SGCD: variants seen among roughly 807,000 people sequenced by gnomAD.
SGCD encodes sarcoglycan delta, also known as delta-sarcoglycan.
In SGCD, 18 loss-of-function variants were observed where a neutral mutation model predicts 36.6. That is an observed-to-expected ratio of 0.49 (90% CI 0.34 to 0.73). SGCD has a LOEUF of 0.73. Ranked by LOEUF, SGCD falls within the 30% of genes least tolerant of loss-of-function variation. The pLI, the probability that SGCD is intolerant of heterozygous loss-of-function variation, is 0.01. For missense variants in SGCD, 387 were observed against 346.7 expected, an observed-to-expected ratio of 1.12 and a Z score of -0.92; for synonymous variants, 133 against 130.6, an observed-to-expected ratio of 1.02 and a Z score of -0.12.
At chr5:155,970,139 G>A (rs904133616) in intron 1 of SGCD, among the ~76,000 whole-genome samples, 5 of 152,050 alleles carry the variant, frequency 3.3e-5, no homozygotes, top group Admixed American at 2.6e-4. Flanking sequence ...GGGATTGGGT[G>A]TGAGAGATCC....
intron 3 of SGCD, among the ~76,000 whole-genome samples, chr5:156,238,472 T>C (rs931315469): frequency 2.0e-5 from 3 of 152,084 alleles, no homozygotes; most frequent in Admixed American, 6.5e-5. Context: ...TTCATCACCA[T>C]TGGAAGTGCA....
Position 156,018,448 on chromosome 5 carries a change from A to G in SGCD, c.-281-99430A>G, listed in dbSNP as rs78631255. On this transcript the variant is annotated intron_variant, in intron 1 of 9. Coordinates refer to the SGCD transcript ENST00000517913. ...ATGATTAACAAACATACACAAATAT[A>G]TGGGGTTAACAGAGATATTGGATAT... is the stretch of plus-strand genomic sequence containing the variant. Among the ~76,000 whole-genome samples the G allele has an allele frequency of 1.6e-3, 245 of 152,344 alleles. 1 individual carries two copies. The highest frequency in any genetic ancestry group is 5.6e-3 in the African/African-American group (232 of 41,590).
chr5:155,731,565 A>G, the SGCD span, among the ~76,000 whole-genome samples: 3 of 152,220 alleles, frequency 2.0e-5, no homozygotes, highest in South Asian at 4.1e-4. Flanking sequence ...TGGAGATGAC[A>G]CAAGTGTAGG....
intron 4 of SGCD, among the ~76,000 whole-genome samples, chr5:156,537,465 A>ACACACACACACACG (rs1758165117): frequency 1.0e-5 from 1 of 98,236 alleles, no homozygotes; most frequent in African/African-American, 3.6e-5. Flanking sequence ...GCAGCCACAC[A>ACACACACACACACG]CACACACACA....
At chr5:155,891,367 T>G (rs1298044320) in intron 1 of SGCD, among the ~76,000 whole-genome samples, 2 of 152,108 alleles carry the variant, frequency 1.3e-5, no homozygotes, top group Non-Finnish European at 2.9e-5. Flanking sequence ...GCAGTAAATG[T>G]CTATCTCCTT....
intron 4 of SGCD, among the ~76,000 whole-genome samples, chr5:156,510,471 T>C (rs973197130): frequency 1.3e-4 from 20 of 152,236 alleles, no homozygotes; most frequent in African/African-American, 4.8e-4. Flanking sequence ...TATTTCTAGT[T>C]GAACTTTAGA....
At chr5:156,074,202 T>A (rs13157744) in intron 1 of SGCD, among the ~76,000 whole-genome samples, 1 of 152,206 alleles carries the variant, frequency 6.6e-6, no homozygotes, top group Non-Finnish European at 1.5e-5. Context: ...TGATCTCAAA[T>A]GTAGCTCAAG....
At chr5:156,481,250 A>T (rs887780373) in intron 3 of SGCD, among the ~76,000 whole-genome samples, 1 of 152,196 alleles carries the variant, frequency 6.6e-6, no homozygotes. Flanking sequence ...TGACAAGTAG[A>T]TAAAAAGGCC....
At chr5:156,439,744 C>T (rs1334774368) in intron 3 of SGCD, among the ~76,000 whole-genome samples, 1 of 152,108 alleles carries the variant, frequency 6.6e-6, no homozygotes, top group African/African-American at 2.4e-5. Context: ...AAAAGCAATG[C>T]ATAGGAACAT....
At chr5:156,589,467 C>T (rs1049144473) in intron 5 of SGCD, 149 bp downstream of exon 5, 2 of 576,070 alleles carry the variant, frequency 3.5e-6, no homozygotes, top group Non-Finnish European at 6.3e-6. Context: ...TTCCATGATT[C>T]TACTAGAGGG....
At chr5:155,888,691 A>G (rs930132868) in intron 1 of SGCD, among the ~76,000 whole-genome samples, 2 of 152,228 alleles carry the variant, frequency 1.3e-5, no homozygotes, top group Admixed American at 6.5e-5. Context: ...TCTTCAGATG[A>G]AAGAAAGAGA....
chr5:155,981,514 T>A (rs1431786730), intron 1 of SGCD, among the ~76,000 whole-genome samples: 1 of 152,208 alleles, frequency 6.6e-6, no homozygotes, highest in Admixed American at 6.5e-5. Flanking sequence ...CACACAAATT[T>A]TTCTTAAACT....
At chr5:156,104,004 C>T (rs1259209573) in intron 1 of SGCD, among the ~76,000 whole-genome samples, 2 of 151,946 alleles carry the variant, frequency 1.3e-5, no homozygotes, top group African/African-American at 4.8e-5. Context: ...TGTATAAAAA[C>T]TTGCTTAAAA....
chr5:156,682,232 T>C (rs189117071), intron 7 of SGCD, among the ~76,000 whole-genome samples: 50 of 152,362 alleles, frequency 3.3e-4, no homozygotes, highest in Non-Finnish European at 4.4e-5. Context: ...TGGCCAATTA[T>C]AGCTGTTTCC....
intron 1 of SGCD, among the ~76,000 whole-genome samples, chr5:156,073,734 C>T (rs888893401): frequency 1.3e-5 from 2 of 152,200 alleles, no homozygotes; most frequent in Non-Finnish European, 2.9e-5. Flanking sequence ...TCATCTAAAT[C>T]AGCAGAAAGA....
intron 3 of SGCD, among the ~76,000 whole-genome samples, chr5:156,194,169 A>G (rs2127633901): frequency 6.6e-6 from 1 of 152,296 alleles, no homozygotes; most frequent in South Asian, 2.1e-4. Flanking sequence ...TGAGCCCATA[A>G]GTTCAGGGCC....
chr5:156,509,261 C>A (rs1430522906), intron 4 of SGCD, among the ~76,000 whole-genome samples: 1 of 152,018 alleles, frequency 6.6e-6, no homozygotes, highest in South Asian at 2.1e-4. Flanking sequence ...CCTGTCTCTA[C>A]TAAAAATGCA....
chr5:155,752,946 AT>A, the SGCD span, among the ~76,000 whole-genome samples: 1 of 152,136 alleles, frequency 6.6e-6, no homozygotes, highest in Non-Finnish European at 1.5e-5. Context: ...TGGTACTATG[AT>A]TTGCATGCAG....
At chr5:155,943,839 C>T (rs919000896) in intron 1 of SGCD, among the ~76,000 whole-genome samples, 1 of 152,156 alleles carries the variant, frequency 6.6e-6, no homozygotes, top group Admixed American at 6.5e-5. Context: ...CCATTGCAGA[C>T]ACCTCTACTT....
Sources: gnomAD v4.1 joint callset for allele counts (sites outside exome capture counted in the v4.1 genomes callset) on GRCh38, gnomAD v4.1.1 for gene constraint, MANE v1.5 for transcripts, NCBI Gene and HGNC (gene_info 2026-07-23, HGNC 2026-07-21) for gene names.